Variants in ABLIM3 observed in about 807,000 individuals in gnomAD.
The protein encoded by ABLIM3 is actin-binding LIM protein 3.
A neutral mutation model predicts 109.5 loss-of-function variants in ABLIM3; 61 were observed. That is an observed-to-expected ratio of 0.56 (90% confidence interval 0.45 to 0.69). The LOEUF (loss-of-function observed/expected upper bound fraction) is 0.69, where lower values mean the gene tolerates loss of function less well. Ranked by LOEUF, ABLIM3 falls within the 30% of genes least tolerant of loss-of-function variation. ABLIM3 has a pLI of 0.00. For synonymous variants in ABLIM3, 300 were observed against 324.8 expected, an observed-to-expected ratio of 0.92 and a Z score of 0.82; for missense variants, 796 against 889.5, an observed-to-expected ratio of 0.89 and a Z score of 1.34.
intron 3 of ABLIM3, 79 bp downstream of exon 3, chr5:149,183,668 AAGAACAAACAC>A (rs1756678140): frequency 7.2e-7 from 1 of 1,395,034 alleles, no homozygotes; most frequent in African/African-American, 1.5e-5. Flanking sequence ...CAGGGGCAGA[AAGAACAAACAC>A]AGGTGGCTGG....
In ABLIM3 at chr5:149,259,596, G is replaced by A. The variant is rs1337013088; in HGVS notation, c.*1192G>A. ...TATGAGATTCCAAAATGAAGTGTTG[G>A]CCAACACCGCTCATGGCCATCCTGG... On this transcript the variant is annotated 3_prime_UTR_variant, in exon 24 of 24. Coordinates refer to ENST00000309868, the MANE Select transcript of ABLIM3 (RefSeq NM_014945.5). The A allele has an allele frequency of 6.5e-7, 1 of 1,535,482 alleles. No homozygotes were observed. Among genetic ancestry groups the A allele is most frequent in the East Asian group, 2.4e-5 (1 of 40,916 alleles).
At chr5:149,197,019 A>G (rs1758044226) in intron 3 of ABLIM3, among the ~76,000 whole-genome samples, 1 of 152,230 alleles carries the variant, frequency 6.6e-6, no homozygotes, top group African/African-American at 2.4e-5. Flanking sequence ...TTCAAAAGCC[A>G]TCGATGCAAT....
chr5:149,200,445 G>A lies in ABLIM3; in HGVS notation c.448+17G>A. 3 of 1,609,490 alleles carry A rather than the reference G, an allele frequency of 1.9e-6. No individual in the cohort carries two copies. Among genetic ancestry groups the A allele is most frequent in the Non-Finnish European group, 2.6e-6 (3 of 1,175,862 alleles). ...GACCAAGCCGTGAGTCCTCCCCACGGGTATCTCCCTGTCCATGGGTGTGAT... is the reference window on the plus strand; with the variant it reads ...GACCAAGCCGTGAGTCCTCCCCACGAGTATCTCCCTGTCCATGGGTGTGAT... On this transcript the variant is annotated intron_variant, in intron 5 of 23. Coordinates refer to ENST00000309868, the MANE Select transcript of ABLIM3 (RefSeq NM_014945.5).
chr5:149,241,945 G>C (rs1023169642), intron 14 of ABLIM3, among the ~76,000 whole-genome samples: 34 of 152,144 alleles, frequency 2.2e-4, no homozygotes, highest in Non-Finnish European at 2.9e-5. Flanking sequence ...CAGAGCCAGG[G>C]CTGAACCTCA....
At chr5:149,204,157 A>G (rs943323069) in intron 5 of ABLIM3, among the ~76,000 whole-genome samples, 1 of 152,226 alleles carries the variant, frequency 6.6e-6, no homozygotes, top group Non-Finnish European at 1.5e-5. Context: ...TCTAAAAAGG[A>G]TAAAAATGGC....
intron 3 of ABLIM3, among the ~76,000 whole-genome samples, chr5:149,186,643 C>T (rs1018703504): frequency 4.6e-5 from 7 of 151,940 alleles, no homozygotes; most frequent in African/African-American, 1.7e-4. Flanking sequence ...AACTTTATTC[C>T]AGGCCTCAAA....
chr5:149,143,273 G>A (rs779095482), intron 2 of ABLIM3, among the ~76,000 whole-genome samples: 66 of 152,094 alleles, frequency 4.3e-4, no homozygotes, highest in Middle Eastern at 3.4e-3. Context: ...TGAGGCAGGA[G>A]AATTGCTTGA....
At chr5:149,233,898 C>T (rs766427088) in intron 10 of ABLIM3, among the ~76,000 whole-genome samples, 9 of 152,166 alleles carry the variant, frequency 5.9e-5, no homozygotes, top group Admixed American at 1.3e-4. Flanking sequence ...CATCATTTGC[C>T]AGGGATGTAG....
intron 8 of ABLIM3, among the ~76,000 whole-genome samples, chr5:149,227,847 T>C (rs1761475507): frequency 6.6e-6 from 1 of 152,256 alleles, no homozygotes; most frequent in Admixed American, 6.5e-5. Flanking sequence ...CATGTTTCTT[T>C]TGTTTATTTA....
chr5:149,185,699 T>G (rs1249998441), intron 3 of ABLIM3, among the ~76,000 whole-genome samples: 1 of 152,228 alleles, frequency 6.6e-6, no homozygotes, highest in African/African-American at 2.4e-5. Context: ...GATTTTTATT[T>G]CCAACAGCAA....
rs79918855 is a variant in ABLIM3, at chr5:149,168,047, T to C, written c.14-15405T>C. 2.2e-3 allele frequency among the ~76,000 whole-genome samples: 336 copies of C among 152,284 alleles called. 1 individual carries two copies. The highest frequency in any genetic ancestry group is 7.8e-3 in the African/African-American group (322 of 41,548). On this transcript the variant is annotated intron_variant, in intron 2 of 23. Transcript: ENST00000309868. ...CCAGCCTCTACCCACTAGATGCCTA[T>C]AGCACACGCACACATACACACACAC...
chr5:149,246,497 G>C lies in ABLIM3; in HGVS notation c.1502G>C (p.Arg501Thr). The C allele has an allele frequency of 6.2e-7, 1 of 1,614,160 alleles. No homozygotes were observed. The highest frequency in any genetic ancestry group is 8.5e-7 in the Non-Finnish European group (1 of 1,180,030). Residue 501 changes from arginine to threonine, a missense_variant, in exon 17 of 24, where the codon AGG (arginine) becomes ACG (threonine). Transcript: ENST00000309868. Reference protein sequence around the residue: ...HGSPKVPRARRFSSGGEEDDF... With the variant: ...HGSPKVPRARTFSSGGEEDDF... ...CTTTTGACAGTGCCCCGAGCCAGAA[G>C]GTTCTCGTCTGGAGGAGAGGAGGAT... is the stretch of plus-strand genomic sequence containing the variant.
intron 12 of ABLIM3, 65 bp downstream of exon 12, chr5:149,239,342 TC>T (rs1234296776): frequency 6.4e-7 from 1 of 1,554,218 alleles, no homozygotes; most frequent in Non-Finnish European, 8.9e-7. Context: ...ACTTCACCCA[TC>T]CCCAGCCCCC....
intron 3 of ABLIM3, among the ~76,000 whole-genome samples, chr5:149,188,679 T>G (rs1210251090): frequency 6.6e-6 from 1 of 152,210 alleles, no homozygotes; most frequent in Non-Finnish European, 1.5e-5. Flanking sequence ...AATCTCATCA[T>G]GAGGGCCCCA....
In ABLIM3 at chr5:149,152,262, C is replaced by A. The variant is rs920246778; in HGVS notation, c.13+10154C>A. Among the ~76,000 whole-genome samples the A allele has an allele frequency of 3.3e-5, 5 of 152,268 alleles. No individual in the cohort carries two copies. In the East Asian group the frequency reaches 9.6e-4, roughly 29 times the overall value. On this transcript the variant is annotated intron_variant, in intron 2 of 23. Coordinates refer to ENST00000309868, the MANE Select transcript of ABLIM3 (RefSeq NM_014945.5). ...CAGTGACAGCTTAATATTTTTATGT[C>A]ACCTTGCCACTGCAGTCCAGTAGAT...
intron 18 of ABLIM3, among the ~76,000 whole-genome samples, chr5:149,248,689 CAAAAAAAAAAA>C (rs10659679): frequency 1.3e-5 from 1 of 79,000 alleles, no homozygotes; most frequent in African/African-American, 5.2e-5. Flanking sequence ...GACTCTCTCT[CAAAAAAAAAAA>C]AAAAAAAAAA....
At chr5:149,253,275 CA>C (rs925843687) in intron 23 of ABLIM3, among the ~76,000 whole-genome samples, 36 of 152,076 alleles carry the variant, frequency 2.4e-4, no homozygotes, top group Non-Finnish European at 5.0e-4. Context: ...TGATGGGGGA[CA>C]GGGGGAGGCA....
intron 2 of ABLIM3, among the ~76,000 whole-genome samples, chr5:149,166,195 G>A (rs1754807067): frequency 6.6e-6 from 1 of 152,136 alleles, no homozygotes; most frequent in African/African-American, 2.4e-5. Context: ...CTGAGTAGGG[G>A]CTGTGCCTGT....
intron 9 of ABLIM3, among the ~76,000 whole-genome samples, chr5:149,232,013 A>C (rs1317939906): frequency 6.6e-6 from 1 of 152,240 alleles, no homozygotes; most frequent in Non-Finnish European, 1.5e-5. Context: ...TTTGTTTAAA[A>C]AGGGAAATTG....
Sources: gnomAD v4.1 joint callset for allele counts (sites outside exome capture counted in the v4.1 genomes callset) on GRCh38, gnomAD v4.1.1 for gene constraint, MANE v1.5 for transcripts, NCBI Gene and HGNC (gene_info 2026-07-23, HGNC 2026-07-21) for gene names.